Variants in NCOA2 observed in about 807,000 individuals in gnomAD.
The protein encoded by NCOA2 is class E basic helix-loop-helix protein 75.
In NCOA2, 21 loss-of-function variants were observed where a neutral mutation model predicts 145.1. The observed-to-expected ratio is 0.14, with a 90% CI of 0.10 to 0.21. The LOEUF (loss-of-function observed/expected upper bound fraction) is 0.21, where lower values mean the gene tolerates loss of function less well. Among genes scored for constraint, NCOA2 ranks in the 10% least tolerant of loss-of-function variants. The pLI is 1.00. For synonymous variants in NCOA2, 619 were observed against 637.5 expected (o/e 0.97, Z 0.44); for missense variants, 1,472 against 1,837.6 (o/e 0.80, Z 3.64).
Position 70,110,830 on chromosome 8 carries a change from T to C in NCOA2, c.*2802A>G, listed in dbSNP as rs1480410241. ...CACTTTTTAAACTTACCACATTACA[T>C]GAACACTTAAAATGAGTTTTACAAC... On this transcript the variant is annotated 3_prime_UTR_variant, in exon 23 of 23. Transcript: ENST00000452400. The C allele has an allele frequency of 8.9e-6, 2 of 224,232 alleles. No individual in the cohort carries two copies. Among genetic ancestry groups the C allele is most frequent in the Non-Finnish European group, 1.8e-5 (2 of 112,440 alleles). 13.9% of individuals were successfully genotyped at this position (224,232 alleles called of 1,614,324 possible).
At chr8:70,160,570 A>G (rs532863526) in intron 9 of NCOA2, among the ~76,000 whole-genome samples, 1 of 151,912 alleles carries the variant, frequency 6.6e-6, no homozygotes, top group South Asian at 2.1e-4. Flanking sequence ...CTACCACATA[A>G]TCCTCAGCAC....
chr8:70,273,711 G>C, intron 2 of NCOA2: 1 of 629,824 alleles, frequency 1.6e-6, no homozygotes, highest in South Asian at 1.4e-5. Context: ...ACTAGTTTAA[G>C]GACTGGCTGA....
intron 2 of NCOA2, chr8:70,273,348 C>T (rs1000199755): frequency 1.6e-5 from 7 of 449,994 alleles, no homozygotes; most frequent in African/African-American, 6.1e-5. Context: ...TAGTCCCCCG[C>T]GCAGCCCCTT....
At chr8:70,395,309 T>G (rs1215847557) in intron 1 of NCOA2, among the ~76,000 whole-genome samples, 1 of 152,220 alleles carries the variant, frequency 6.6e-6, no homozygotes, top group Admixed American at 6.5e-5. Context: ...GAGTCTGGTC[T>G]TAATGCCAGG....
chr8:70,373,565 A>AT (rs1317105807), intron 1 of NCOA2, among the ~76,000 whole-genome samples: 1 of 152,066 alleles, frequency 6.6e-6, no homozygotes, highest in African/African-American at 2.4e-5. Flanking sequence ...CTAATTTATC[A>AT]TTTTTTCTTT....
chr8:70,260,130 G>T (rs1823990137), intron 2 of NCOA2, among the ~76,000 whole-genome samples: 1 of 152,126 alleles, frequency 6.6e-6, no homozygotes, highest in Non-Finnish European at 1.5e-5. Flanking sequence ...TAGCTTAGAT[G>T]CTGTCAATGT....
At chr8:70,348,586 GGAT>G (rs1236057578) in intron 1 of NCOA2, among the ~76,000 whole-genome samples, 3 of 152,140 alleles carry the variant, frequency 2.0e-5, no homozygotes, top group Non-Finnish European at 2.9e-5. Context: ...GTGGCTGAAG[GGAT>G]GATAAGGGAG....
rs190015316 is a variant in NCOA2, at chr8:70,142,215, T to C, written c.2813-816A>G. Among the ~76,000 whole-genome samples, 71 of 152,354 alleles carry C rather than the reference T, an allele frequency of 4.7e-4. No homozygotes were observed. In the Middle Eastern group the frequency reaches 0.017, roughly 36 times the overall value. On this transcript the variant is annotated intron_variant, in intron 13 of 22. Coordinates refer to ENST00000452400, the MANE Select transcript of NCOA2 (RefSeq NM_006540.4). ...ACTCTTCAAATGAGGTCTCTTCATTTTGAAGTGTTTAATGATGGATACATG... is the reference window on the plus strand; with the variant it reads ...ACTCTTCAAATGAGGTCTCTTCATTCTGAAGTGTTTAATGATGGATACATG...
rs60014249 is a variant in NCOA2, at chr8:70,187,794, CCATT to C, written c.260-12939_260-12936del. Among the ~76,000 whole-genome samples the C allele has an allele frequency of 2.8e-3, 429 of 152,240 alleles. 4 individuals are homozygous for C. The highest frequency in any genetic ancestry group is 1.0e-2 in the African/African-American group (414 of 41,542). On this transcript the variant is annotated intron_variant, in intron 4 of 22. Coordinates refer to ENST00000452400, the MANE Select transcript of NCOA2 (RefSeq NM_006540.4). ...GAGATGCTTCCCCACCATTCTACAACCATTCAAATAATGAAATAAAATAAAATCC... is the reference window on the plus strand; with the variant it reads ...GAGATGCTTCCCCACCATTCTACAACCAAATAATGAAATAAAATAAAATCC...
At chr8:70,193,290 C>A (rs1816893003) in intron 4 of NCOA2, among the ~76,000 whole-genome samples, 1 of 151,960 alleles carries the variant, frequency 6.6e-6, no homozygotes, top group South Asian at 2.1e-4. Flanking sequence ...AATCTAATCA[C>A]CAAAATTTGC....
At chr8:70,354,394 C>T (rs1014239520) in intron 1 of NCOA2, among the ~76,000 whole-genome samples, 3 of 152,168 alleles carry the variant, frequency 2.0e-5, no homozygotes, top group Admixed American at 6.5e-5. Flanking sequence ...GAAAAGTCTG[C>T]ACCTTCTCAC....
At chr8:70,298,911 A>G (rs1295084784) in intron 1 of NCOA2, among the ~76,000 whole-genome samples, 2 of 152,144 alleles carry the variant, frequency 1.3e-5, no homozygotes, top group Non-Finnish European at 2.9e-5. Context: ...ATACTAAAAA[A>G]TTAGCCGGCC....
chr8:70,244,840 G>A lies in NCOA2; in HGVS notation c.-19-28076C>T, dbSNP rs145364013. ...CAAACACAAAAGAAATAAGGACCAC[G>A]GAATCAATTTGGGTCACACTGTATC... On this transcript the variant is annotated intron_variant, in intron 2 of 22. Coordinates refer to ENST00000452400, the MANE Select transcript of NCOA2 (RefSeq NM_006540.4). Among the ~76,000 whole-genome samples the A allele has an allele frequency of 8.6e-4, 131 of 152,108 alleles. 1 individual carries two copies. Among genetic ancestry groups the A allele is most frequent in the African/African-American group, 3.0e-3 (126 of 41,494 alleles).
intron 6 of NCOA2, among the ~76,000 whole-genome samples, chr8:70,169,210 G>A (rs1302893728): frequency 1.3e-5 from 2 of 152,168 alleles, no homozygotes; most frequent in Non-Finnish European, 2.9e-5. Context: ...GCTAAGGTGG[G>A]CCCACGCTGT....
At chr8:70,121,151 C>T in intron 22 of NCOA2, 151 bp downstream of exon 22, 1 of 595,902 alleles carries the variant, frequency 1.7e-6, no homozygotes, top group Non-Finnish European at 3.0e-6. Context: ...TAATCATTCA[C>T]ACAAAAGCAC....
At chr8:70,373,003 CATTT>C (rs1430127607) in intron 1 of NCOA2, among the ~76,000 whole-genome samples, 1 of 152,080 alleles carries the variant, frequency 6.6e-6, no homozygotes. Context: ...TGTATTCAAC[CATTT>C]ACTCTACCCA....
intron 5 of NCOA2, 52 bp downstream of exon 5, chr8:70,174,704 T>C: frequency 2.1e-6 from 3 of 1,443,708 alleles, no homozygotes; most frequent in Non-Finnish European, 2.9e-6. Flanking sequence ...AATGTAATAA[T>C]GTGAAGATCA....
At chr8:70,423,872 T>G in the NCOA2 span, among the ~76,000 whole-genome samples, 10 of 152,186 alleles carry the variant, frequency 6.6e-5, no homozygotes, top group East Asian at 1.9e-4. Context: ...CAGCACAGGG[T>G]CCCCGACACT....
At chr8:70,418,963 G>T in the NCOA2 span, among the ~76,000 whole-genome samples, 2 of 152,220 alleles carry the variant, frequency 1.3e-5, no homozygotes, top group East Asian at 3.9e-4. Context: ...TGTATCTGTA[G>T]TAATAAAGTG....
Sources: gnomAD v4.1 joint callset for allele counts (sites outside exome capture counted in the v4.1 genomes callset) on GRCh38, gnomAD v4.1.1 for gene constraint, MANE v1.5 for transcripts, NCBI Gene and HGNC (gene_info 2026-07-23, HGNC 2026-07-21) for gene names.